PROCR: variants seen among roughly 807,000 people sequenced by gnomAD.
The protein encoded by PROCR is protein C receptor.
Under a neutral mutation model 24.2 loss-of-function variants are expected in PROCR, and 22 were observed. The ratio of observed to expected loss-of-function variants is 0.91; its 90% CI spans 0.65 to 1.30. The LOEUF is 1.30. Among genes scored for constraint, PROCR ranks in the 50% most tolerant of loss-of-function variants. The pLI, the probability that PROCR is intolerant of heterozygous loss-of-function variation, is 0.00. For missense variants in PROCR, 288 were observed against 307.7 expected (o/e 0.94, Z 0.48); for synonymous variants, 137 against 139.2 (o/e 0.98, Z 0.11).
intron 1 of PROCR, among the ~76,000 whole-genome samples, chr20:35,186,583 A>G (rs2146158517): frequency 6.6e-6 from 1 of 151,570 alleles, no homozygotes; most frequent in South Asian, 2.1e-4. Flanking sequence ...AAAAAAAAAA[A>G]AAATGATAAG....
At chr20:35,190,462 C>T (rs972180965) in intron 1 of PROCR, among the ~76,000 whole-genome samples, 1 of 152,136 alleles carries the variant, frequency 6.6e-6, no homozygotes, top group East Asian at 1.9e-4. Flanking sequence ...ACAACCTTGC[C>T]CCCTTTTCCC....
chr20:35,185,849 C>T lies in PROCR; in HGVS notation c.94+9403C>T, dbSNP rs187842673. 1.0e-3 allele frequency among the ~76,000 whole-genome samples: 153 copies of T among 152,204 alleles called. 1 individual carries two copies. Among genetic ancestry groups the T allele is most frequent in the Non-Finnish European group, 2.0e-3 (137 of 68,016 alleles). On this transcript the variant is annotated intron_variant, in intron 1 of 1. Coordinates refer to the PROCR transcript ENST00000634509. ...ACAACTTACTCATGTAACCAAATGC[C>T]ACCTGTACCTCGATAACTTATGGAA...
At chr20:35,182,838 G>A (rs2086089153) in intron 1 of PROCR, among the ~76,000 whole-genome samples, 2 of 152,032 alleles carry the variant, frequency 1.3e-5, no homozygotes, top group South Asian at 4.1e-4. Context: ...GCCAGGCATG[G>A]TGGCACGTGC....
At chr20:35,178,140 A>G (rs903703686), downstream of PROCR, among the ~76,000 whole-genome samples, 10 of 152,130 alleles carry the variant, frequency 6.6e-5, no homozygotes, top group East Asian at 2.0e-3. Flanking sequence ...GCGGTGGCTC[A>G]CGCCTGTAAT....
chr20:35,196,907 G>A (rs1163486384), intron 1 of PROCR, among the ~76,000 whole-genome samples: 1 of 152,202 alleles, frequency 6.6e-6, no homozygotes. Context: ...GTATGTAGAT[G>A]TCATGGATAG....
chr20:35,209,674 A>G (rs1402380794), intron 1 of PROCR, among the ~76,000 whole-genome samples: 1 of 152,170 alleles, frequency 6.6e-6, no homozygotes, highest in Non-Finnish European at 1.5e-5. Context: ...CAATGATGCC[A>G]AAGTCAGGGG....
Position 35,176,713 on chromosome 20 carries a change from GCTCCTACA to G in PROCR, c.620_627del (p.Ser207PhefsTer42). On this transcript the variant is annotated frameshift_variant, in exon 4 of 4. Coordinates refer to ENST00000216968, the MANE Select transcript of PROCR (RefSeq NM_006404.5). LOFTEE classifies it high-confidence loss of function. ...TGTTCTGCAGGGAGCCAAACAAGCCGCTCCTACACTTCGCTGGTCCTGGGCGTCCTGGT... is the reference window on the plus strand; with the variant it reads ...TGTTCTGCAGGGAGCCAAACAAGCCGCTTCGCTGGTCCTGGGCGTCCTGGT... The G allele has an allele frequency of 6.2e-7, 1 of 1,611,784 alleles. No homozygotes were observed. The highest frequency in any genetic ancestry group is 8.5e-7 in the Non-Finnish European group (1 of 1,179,028).
chr20:35,198,961 G>A (rs544112687), intron 1 of PROCR, among the ~76,000 whole-genome samples: 38 of 152,198 alleles, frequency 2.5e-4, no homozygotes, highest in Admixed American at 5.9e-4. Context: ...TGATCTGCCC[G>A]CCTCATCCTC....
rs567069431 is a variant in PROCR at position 35,196,897 on chromosome 20, G to A, written c.95-18996G>A. On this transcript the variant is annotated intron_variant, in intron 1 of 1. Transcript: ENST00000634509. ...TAACACAGTCTAGGAGAGTTTCAATGTATGTAGATGTCATGGATAGGACAA... is the reference window on the plus strand; with the variant it reads ...TAACACAGTCTAGGAGAGTTTCAATATATGTAGATGTCATGGATAGGACAA... Among the ~76,000 whole-genome samples, 4 of 152,270 alleles carry A rather than the reference G, an allele frequency of 2.6e-5. 1 individual carries two copies. The South Asian group carries it at 6.2e-4, about 24-fold the overall frequency.
At chr20:35,178,917 A>T (rs1456894224), downstream of PROCR, among the ~76,000 whole-genome samples, 3 of 151,552 alleles carry the variant, frequency 2.0e-5, no homozygotes, top group African/African-American at 7.3e-5. Flanking sequence ...GTATTAAATA[A>T]AAGTATATAT....
At chr20:35,196,895 A>G (rs907031814) in intron 1 of PROCR, among the ~76,000 whole-genome samples, 6 of 152,186 alleles carry the variant, frequency 3.9e-5, no homozygotes, top group African/African-American at 1.2e-4. Context: ...GAGAGTTTCA[A>G]TGTATGTAGA....
rs773925516 is a variant in PROCR, at chr20:35,174,880, GAGTGGCCTGC to G, written c.253_262del (p.Gly85ProfsTer23). On this transcript the variant is annotated frameshift_variant, in exon 2 of 4. Coordinates refer to ENST00000216968, the MANE Select transcript of PROCR (RefSeq NM_006404.5). LOFTEE classifies it high-confidence loss of function. ...AGCCCGAGAGCTGGGCGCGCACGCA[GAGTGGCCTGC>G]AGTCCTACCTGCTCCAGTTCCACGG... is the stretch of plus-strand genomic sequence containing the variant. The G allele has an allele frequency of 6.2e-7, 1 of 1,612,510 alleles. No individual in the cohort carries two copies. The highest frequency in any genetic ancestry group is 1.1e-5 in the South Asian group (1 of 90,932).
chr20:35,210,459 A>T (rs1032284876), intron 1 of PROCR, among the ~76,000 whole-genome samples: 3 of 151,862 alleles, frequency 2.0e-5, no homozygotes, highest in Non-Finnish European at 1.5e-5. Flanking sequence ...AGGCGGGAGG[A>T]TCACTTGAAC....
chr20:35,210,055 C>T (rs2060355961), intron 1 of PROCR, among the ~76,000 whole-genome samples: 1 of 151,990 alleles, frequency 6.6e-6, no homozygotes, highest in African/African-American at 2.4e-5. Context: ...AGAGAAACTC[C>T]ATCTCTACAA....
chr20:35,180,642 C>A (rs1342726952), downstream of PROCR, among the ~76,000 whole-genome samples: 5 of 152,132 alleles, frequency 3.3e-5, no homozygotes, highest in African/African-American at 1.2e-4. Flanking sequence ...CAAACTCTGT[C>A]TCAGCCTCTG....
intron 1 of PROCR, among the ~76,000 whole-genome samples, chr20:35,208,829 G>A (rs1218274806): frequency 3.3e-5 from 5 of 151,986 alleles, no homozygotes; most frequent in South Asian, 2.1e-4. Flanking sequence ...AAAATTAGCC[G>A]GGCATGGTGG....
chr20:35,212,032 C>A (rs866729161), intron 1 of PROCR, among the ~76,000 whole-genome samples: 254 of 150,806 alleles, frequency 1.7e-3, no homozygotes, highest in African/African-American at 5.4e-3. Flanking sequence ...AAAAAAAAAA[C>A]AAACACTGTG....
intron 1 of PROCR, among the ~76,000 whole-genome samples, chr20:35,192,063 GACAA>G (rs1453172712): frequency 1.3e-5 from 2 of 152,048 alleles, no homozygotes; most frequent in African/African-American, 4.8e-5. Flanking sequence ...GAAAGAAAAA[GACAA>G]ACAAGGAAGG....
At chr20:35,205,770 T>TGTATATATACACAC (rs1568600652) in intron 1 of PROCR, among the ~76,000 whole-genome samples, 1,419 of 47,732 alleles carry the variant, frequency 0.03, 72 homozygotes, top group African/African-American at 0.069. Flanking sequence ...TATATATATA[T>TGTATATATACACAC]ATATATATAT....
Sources: allele counts gnomAD v4.1 joint callset (sites outside exome capture counted in the v4.1 genomes callset), GRCh38; gene constraint gnomAD v4.1.1; transcripts MANE v1.5; gene names NCBI Gene and HGNC (gene_info 2026-07-23, HGNC 2026-07-21).